ASTN2: variants seen among roughly 807,000 people sequenced by gnomAD.
The protein encoded by ASTN2 is astrotactin-2.
Under a neutral mutation model 139.8 loss-of-function variants are expected in ASTN2, and 54 were observed. The ratio of observed to expected loss-of-function variants is 0.39; its 90% CI spans 0.31 to 0.48. The LOEUF (loss-of-function observed/expected upper bound fraction) is 0.48. Among genes scored for constraint, ASTN2 ranks in the 20% least tolerant of loss-of-function variants. The probability of loss-of-function intolerance (pLI) is 0.95; values close to 1 mark genes in which losing one functional copy is unlikely to be tolerated. For missense variants in ASTN2, 1,565 were observed against 1,725.1 expected, an observed-to-expected ratio of 0.91 and a Z score of 1.64; for synonymous variants, 756 against 719.5, an observed-to-expected ratio of 1.05 and a Z score of -0.81.
intron 17 of ASTN2, among the ~76,000 whole-genome samples, chr9:116,627,907 C>A (rs555914552): frequency 1.3e-5 from 2 of 152,308 alleles, no homozygotes; most frequent in South Asian, 2.1e-4. Flanking sequence ...ATTTTCCCAA[C>A]AACCTGTGAG....
chr9:117,044,501 T>C (rs1375550970), intron 5 of ASTN2, among the ~76,000 whole-genome samples: 1 of 152,198 alleles, frequency 6.6e-6, no homozygotes, highest in Non-Finnish European at 1.5e-5. Context: ...GGTAACTTCC[T>C]AAGAGTTCCT....
chr9:116,699,747 C>G lies in ASTN2; in HGVS notation c.2806+26024G>C, dbSNP rs1185291658. On this transcript the variant is annotated intron_variant, in intron 16 of 22. Transcript: ENST00000313400. The surrounding 1 kb of genome is among the most constrained non-coding windows in gnomAD (Gnocchi z 4.2). ...GTTTCTTCTGCTCCCAAGCCAACTT[C>G]CCTTCCCTTAGTTCTTGGTTGTTAG... The G allele has an allele frequency of 1.2e-6, 2 of 1,613,818 alleles. No homozygotes were observed.
At chr9:116,883,946 A>C (rs1833521737) in intron 10 of ASTN2, among the ~76,000 whole-genome samples, 1 of 152,206 alleles carries the variant, frequency 6.6e-6, no homozygotes, top group Admixed American at 6.5e-5. Context: ...GAAGATGCTG[A>C]GTTTCATGTA....
At chr9:117,180,671 G>C (rs1208233499) in intron 3 of ASTN2, 1 of 1,518,714 alleles carries the variant, frequency 6.6e-7, no homozygotes, top group East Asian at 2.3e-5. Flanking sequence ...TTATTGGTGA[G>C]TATTAAGAGG....
intron 3 of ASTN2, among the ~76,000 whole-genome samples, chr9:117,206,185 G>A (rs1274335458): frequency 6.6e-6 from 1 of 152,154 alleles, no homozygotes; most frequent in East Asian, 1.9e-4. Flanking sequence ...GCAGAAGAGT[G>A]GAGAAGCATC....
intron 16 of ASTN2, among the ~76,000 whole-genome samples, chr9:116,689,037 C>T (rs895254814): frequency 1.3e-5 from 2 of 152,074 alleles, no homozygotes; most frequent in African/African-American, 4.8e-5. Flanking sequence ...CTACTGGCCT[C>T]AAGTGGGTAG....
intron 4 of ASTN2, among the ~76,000 whole-genome samples, chr9:117,129,765 C>T (rs1829785686): frequency 6.6e-6 from 1 of 152,038 alleles, no homozygotes; most frequent in Non-Finnish European, 1.5e-5. Context: ...AATTTCATTT[C>T]TCTCCCAGTA....
intron 10 of ASTN2, among the ~76,000 whole-genome samples, chr9:116,919,640 ATTTTTTTTTT>A (rs72054196): frequency 8.8e-6 from 1 of 113,568 alleles, no homozygotes; most frequent in Non-Finnish European, 1.8e-5. Context: ...CAAAAACATC[ATTTTTTTTTT>A]TTTTTTTTTT....
At chr9:117,071,707 C>T (rs1316114260) in intron 5 of ASTN2, among the ~76,000 whole-genome samples, 1 of 148,576 alleles carries the variant, frequency 6.7e-6, no homozygotes, top group Non-Finnish European at 1.5e-5. Context: ...GGGATATAGT[C>T]TCATGGTGCG....
chr9:116,459,058 T>C lies in ASTN2; in HGVS notation c.3498-16505A>G, dbSNP rs555133956. ...TGTGAGACACCAGTATGAGGACAGA[T>C]GTAGATCAATGAAATAAAATTGACA... On this transcript the variant is annotated intron_variant, in intron 20 of 22. Coordinates refer to ENST00000313400, the MANE Select transcript of ASTN2 (RefSeq NM_001365068.1). Among the ~76,000 whole-genome samples the C allele has an allele frequency of 1.2e-4, 19 of 152,166 alleles. 1 individual carries two copies. In the South Asian group the frequency reaches 3.3e-3, roughly 27 times the overall value.
chr9:116,544,894 C>G (rs1852026738), intron 19 of ASTN2, among the ~76,000 whole-genome samples: 1 of 152,202 alleles, frequency 6.6e-6, no homozygotes, highest in African/African-American at 2.4e-5. Context: ...CCCTTATTCC[C>G]AGCTGCAGAA....
chr9:117,199,557 T>G (rs1399633983), intron 3 of ASTN2, among the ~76,000 whole-genome samples: 1 of 152,186 alleles, frequency 6.6e-6, no homozygotes, highest in African/African-American at 2.4e-5. Context: ...AGTCAGGTAT[T>G]GTAATGTCTC....
rs371751483 is a variant in ASTN2, at chr9:116,838,110, TG to T, written c.2041-17328del. On this transcript the variant is annotated intron_variant, in intron 11 of 22. Transcript: ENST00000313400. ...AGTTCTGCCTGGCTGTGTTTTTTTT[TG>T]TTTTGTTTTGTTTTTTGAGACAGAG... is the stretch of plus-strand genomic sequence containing the variant. 2.3e-3 allele frequency among the ~76,000 whole-genome samples: 305 copies of T among 134,638 alleles called. 13 individuals are homozygous for T. The highest frequency in any genetic ancestry group is 4.5e-3 in the East Asian group (16 of 3,552). The allele number at this position is 134,638 out of a possible 152,430, so 88.3% of individuals were successfully genotyped here.
At chr9:117,112,637 A>G (rs1383614288) in intron 4 of ASTN2, among the ~76,000 whole-genome samples, 4 of 152,198 alleles carry the variant, frequency 2.6e-5, no homozygotes, top group Admixed American at 1.3e-4. Flanking sequence ...AGTAAATGTA[A>G]AAGATAAATC....
chr9:117,180,791 C>T, intron 3 of ASTN2: 2 of 1,546,544 alleles, frequency 1.3e-6, no homozygotes, highest in South Asian at 2.2e-5. Flanking sequence ...TGCTTCTCAG[C>T]CACCATGTCT....
chr9:116,577,066 C>T (rs1405113880), intron 19 of ASTN2, among the ~76,000 whole-genome samples: 1 of 152,188 alleles, frequency 6.6e-6, no homozygotes. Flanking sequence ...TGAATAGATG[C>T]TGTGGTTATT....
At chr9:116,734,729 A>G (rs972878939) in intron 13 of ASTN2, among the ~76,000 whole-genome samples, 6 of 152,212 alleles carry the variant, frequency 3.9e-5, no homozygotes, top group Non-Finnish European at 5.9e-5. Flanking sequence ...TGTATCTCAG[A>G]CAGTTCAAAA....
chr9:117,299,904 T>C (rs78073249), intron 1 of ASTN2, among the ~76,000 whole-genome samples: 4,880 of 152,282 alleles, frequency 0.032, 118 homozygotes, highest in African/African-American at 0.064. Flanking sequence ...GTGATCCCTC[T>C]ACAGCACCTG....
chr9:116,822,920 G>A (rs1262117769), intron 11 of ASTN2, among the ~76,000 whole-genome samples: 3 of 152,126 alleles, frequency 2.0e-5, no homozygotes, highest in Non-Finnish European at 4.4e-5. Context: ...CATCACAAAT[G>A]TTCTCATGAC....
Sources: allele counts gnomAD v4.1 joint callset (sites outside exome capture counted in the v4.1 genomes callset), GRCh38; gene constraint gnomAD v4.1.1; non-coding constraint Gnocchi (gnomAD v3.1); transcripts MANE v1.5; gene names NCBI Gene and HGNC (gene_info 2026-07-23, HGNC 2026-07-21).